RAPGEF2: variants seen among roughly 807,000 people sequenced by gnomAD.
RAPGEF2 encodes the protein PDZ domain containing guanine nucleotide exchange factor (GEF) 1.
In RAPGEF2, 54 loss-of-function variants were observed where a neutral mutation model predicts 186.7. The observed-to-expected ratio is 0.29, with a 90% CI of 0.23 to 0.36. The LOEUF is 0.36. Among genes scored for constraint, RAPGEF2 ranks in the 10% least tolerant of loss-of-function variants. The pLI is 1.00. For synonymous variants in RAPGEF2, 712 were observed against 705.9 expected (o/e 1.01, Z -0.14); for missense variants, 1,532 against 2,045.0 (o/e 0.75, Z 4.84).
intron 7 of RAPGEF2, among the ~76,000 whole-genome samples, chr4:159,263,605 A>G (rs1488117607): frequency 6.6e-6 from 1 of 152,176 alleles, no homozygotes; most frequent in Non-Finnish European, 1.5e-5. Context: ...CTTCTATACT[A>G]CTAACTCTAT....
intron 9 of RAPGEF2, among the ~76,000 whole-genome samples, chr4:159,321,011 A>C (rs980155135): frequency 6.6e-6 from 1 of 152,178 alleles, no homozygotes; most frequent in East Asian, 1.9e-4. Flanking sequence ...ACAGCTATCC[A>C]GTAAAGCAGA....
chr4:159,289,366 T>C lies in RAPGEF2; in HGVS notation c.544-14976T>C, dbSNP rs571398830. Among the ~76,000 whole-genome samples, 294 of 152,328 alleles carry C rather than the reference T, an allele frequency of 1.9e-3. 2 individuals are homozygous for C. Among genetic ancestry groups the C allele is most frequent in the African/African-American group, 6.8e-3 (283 of 41,578 alleles). Reference sequence around the variant, plus strand: ...TTCAGAAGTTTTGTCATTAATTTTTTTGATGCTGGCTTCCAGGAAGGCTAA... The same window carrying C: ...TTCAGAAGTTTTGTCATTAATTTTTCTGATGCTGGCTTCCAGGAAGGCTAA... On this transcript the variant is annotated intron_variant, in intron 7 of 29. Transcript: ENST00000691494.
At chr4:159,276,772 G>A (rs549886833) in intron 7 of RAPGEF2, among the ~76,000 whole-genome samples, 16 of 151,880 alleles carry the variant, frequency 1.1e-4, no homozygotes, top group Middle Eastern at 6.8e-3. Context: ...GCAACCTGAT[G>A]TAAATGAGAA....
chr4:159,193,009 T>C (rs1257238556), intron 2 of RAPGEF2, among the ~76,000 whole-genome samples, 191 bp from the exon 3 acceptor site: 1 of 152,188 alleles, frequency 6.6e-6, no homozygotes, highest in Non-Finnish European at 1.5e-5. Context: ...TAGCATACTT[T>C]TACCAGATTT....
chr4:159,328,769 G>C (rs1165276108), intron 11 of RAPGEF2: 1 of 152,128 alleles, frequency 6.6e-6, no homozygotes, highest in Non-Finnish European at 1.5e-5. Context: ...CCTTCCTCAT[G>C]GTTTGATTAG....
At chr4:159,231,282 C>T (rs1406177839) in intron 4 of RAPGEF2, among the ~76,000 whole-genome samples, 1 of 152,094 alleles carries the variant, frequency 6.6e-6, no homozygotes, top group Non-Finnish European at 1.5e-5. Context: ...GGTCACACAA[C>T]AGTAAAATCG....
chr4:159,194,950 TG>T (rs1426524442), intron 3 of RAPGEF2, among the ~76,000 whole-genome samples: 1 of 151,984 alleles, frequency 6.6e-6, no homozygotes, highest in African/African-American at 2.4e-5. Context: ...CCATCTGAGG[TG>T]GTAAGTGCTT....
chr4:159,219,314 A>C (rs1447389030), intron 4 of RAPGEF2, among the ~76,000 whole-genome samples: 1 of 85,100 alleles, frequency 1.2e-5, no homozygotes, highest in Admixed American at 1.1e-4. Flanking sequence ...TGTAAAACCT[A>C]ATCACTACAA....
chr4:159,336,859 T>G (rs532679317), intron 17 of RAPGEF2, among the ~76,000 whole-genome samples: 1 of 152,306 alleles, frequency 6.6e-6, no homozygotes, highest in African/African-American at 2.4e-5. Context: ...TTCATTTTAT[T>G]TATGACACCT....
intron 7 of RAPGEF2, among the ~76,000 whole-genome samples, chr4:159,274,157 A>C (rs1485998237): frequency 6.6e-6 from 1 of 152,242 alleles, no homozygotes; most frequent in African/African-American, 2.4e-5. Context: ...TAATCTATTA[A>C]GAATTCCTCC....
rs1731479747 is a variant in RAPGEF2 at position 159,353,400 on chromosome 4, A to G, written c.4092-87A>G. The G allele has an allele frequency of 9.2e-7, 1 of 1,090,658 alleles. No individual in the cohort carries two copies. The highest frequency in any genetic ancestry group is 3.3e-5 in the Admixed American group (1 of 30,000). 67.6% of individuals were successfully genotyped at this position (1,090,658 alleles called of 1,614,324 possible). On this transcript the variant is annotated intron_variant, in intron 27 of 29. Transcript: ENST00000691494. This position sits in a 1 kb window ranked among gnomAD's most constrained non-coding sequence, Gnocchi z 4.3. ...TGGGATGAAAGCAAGCTACCTTTCT[A>G]GGAAAAAGGGTATTTTGGTTTTATC...
chr4:159,246,020 C>T (rs764347606), intron 7 of RAPGEF2, among the ~76,000 whole-genome samples: 1 of 152,110 alleles, frequency 6.6e-6, no homozygotes, highest in Non-Finnish European at 1.5e-5. Flanking sequence ...AAATCTGAAT[C>T]AGGAGACTTT....
chr4:159,184,598 T>C (rs1254101379), intron 1 of RAPGEF2, among the ~76,000 whole-genome samples: 1 of 152,240 alleles, frequency 6.6e-6, no homozygotes, highest in Non-Finnish European at 1.5e-5. Context: ...ATTTGATTTT[T>C]TTCTTGTAAA....
chr4:159,149,228 A>G (rs553573317), intron 1 of RAPGEF2, among the ~76,000 whole-genome samples: 1 of 152,298 alleles, frequency 6.6e-6, no homozygotes, highest in African/African-American at 2.4e-5. Flanking sequence ...CTTTTTGTGG[A>G]CACAGATTTA....
chr4:159,343,988 T>C (rs1472326200), intron 22 of RAPGEF2, 48 bp from the exon 23 acceptor site: 1 of 1,517,928 alleles, frequency 6.6e-7, no homozygotes, highest in East Asian at 2.3e-5. Context: ...GATCTTTCTG[T>C]CTCTCTTTCT....
At chr4:159,227,896 C>A (rs1046883405) in intron 4 of RAPGEF2, among the ~76,000 whole-genome samples, 1 of 152,090 alleles carries the variant, frequency 6.6e-6, no homozygotes, top group Non-Finnish European at 1.5e-5. Flanking sequence ...ATCTCTTTGG[C>A]GGAGAGCAAC....
chr4:159,146,618 T>C (rs1051304598), intron 1 of RAPGEF2, among the ~76,000 whole-genome samples: 2 of 152,226 alleles, frequency 1.3e-5, no homozygotes, highest in East Asian at 3.8e-4. Flanking sequence ...ATGCTGTCTG[T>C]ATATGTAATA....
chr4:159,174,370 C>G lies in RAPGEF2; in HGVS notation c.70-12272C>G, dbSNP rs576681554. 3.3e-5 allele frequency among the ~76,000 whole-genome samples: 5 copies of G among 152,284 alleles called. No individual in the cohort carries two copies. In the South Asian group the frequency reaches 1.0e-3, roughly 32 times the overall value. On this transcript the variant is annotated intron_variant, in intron 1 of 29. Coordinates refer to ENST00000691494, the MANE Select transcript of RAPGEF2 (RefSeq NM_001394067.2). ...AGATTATAGATGATACTTCATCTGTCCCTTAAAATTTATGAAGTACTTGGT... is the reference window on the plus strand; with the variant it reads ...AGATTATAGATGATACTTCATCTGTGCCTTAAAATTTATGAAGTACTTGGT...
chr4:159,325,997 G>A (rs150646397), intron 11 of RAPGEF2, among the ~76,000 whole-genome samples: 2,075 of 152,146 alleles, frequency 0.014, 19 homozygotes, highest in African/African-American at 0.019. Flanking sequence ...CAAGGGTGAG[G>A]TACCTGCTAA....
Sources: gnomAD v4.1 joint callset for allele counts (sites outside exome capture counted in the v4.1 genomes callset) on GRCh38, gnomAD v4.1.1 for gene constraint, Gnocchi (gnomAD v3.1) non-coding constraint, MANE v1.5 for transcripts, NCBI Gene and HGNC (gene_info 2026-07-23, HGNC 2026-07-21) for gene names.